The following DIDO1 variants were observed in gnomAD, a reference collection of about 807,000 sequenced individuals.
The protein encoded by DIDO1 is death-inducer obliterator 1.
DIDO1 carries 16 observed loss-of-function variants against 99.4 expected under a neutral mutation model. The ratio of observed to expected loss-of-function variants is 0.16; its 90% CI spans 0.11 to 0.24. The LOEUF is 0.24. Ranked by LOEUF, DIDO1 falls within the 10% of genes least tolerant of loss-of-function variation. The pLI, the probability that DIDO1 is intolerant of heterozygous loss-of-function variation, is 1.00. For missense variants in DIDO1, 2,996 were observed against 3,014.0 expected (o/e 0.99, Z 0.14); for synonymous variants, 1,366 against 1,239.1 (o/e 1.10, Z -2.15).
At chr20:62,887,993 G>A in intron 15 of DIDO1, 3 of 985,466 alleles carry the variant, frequency 3.0e-6, no homozygotes, top group South Asian at 4.7e-5. Context: ...TGTCCTCAGG[G>A]AGATCCAGCT....
chr20:62,937,487 G>T (rs2065403328), intron 1 of DIDO1, among the ~76,000 whole-genome samples: 1 of 152,250 alleles, frequency 6.6e-6, no homozygotes, highest in Non-Finnish European at 1.5e-5. Context: ...CCGCCCTTCG[G>T]CGTAGCCCAT....
chr20:62,890,089 G>T, intron 15 of DIDO1: 1 of 985,632 alleles, frequency 1.0e-6, no homozygotes, highest in Non-Finnish European at 1.2e-6. Context: ...AACACCCGCC[G>T]AGGCCTGGTG....
At chr20:62,885,554 C>T (rs774534951) in intron 15 of DIDO1, among the ~76,000 whole-genome samples, 19 of 152,188 alleles carry the variant, frequency 1.2e-4, no homozygotes, top group Non-Finnish European at 1.8e-4. Context: ...GCATCAAACA[C>T]GCAGCTGGCA....
chr20:62,895,358 T>A lies in DIDO1; in HGVS notation c.2215-193A>T, dbSNP rs1013571615. On this transcript the variant is annotated intron_variant, in intron 8 of 15. Coordinates refer to ENST00000395343, the MANE Select transcript of DIDO1 (RefSeq NM_001193369.2). The stretch of plus-strand genomic sequence containing the variant: ...AACTCCCCAAACGGCCTTATGAGAG[T>A]GCGCCCCAGGATATCCCTGCTGTGA... Among the ~76,000 whole-genome samples, 2 of 151,860 alleles carry A rather than the reference T, an allele frequency of 1.3e-5. 1 individual carries two copies.
At position 62,879,545 on chromosome 20, in the gene DIDO1, T is replaced by A; in HGVS notation, c.6411A>T (p.Arg2137=). Residue 2137 remains arginine, a synonymous_variant, in exon 16 of 16, where the codon CGA becomes CGT. Coordinates refer to ENST00000395343, the MANE Select transcript of DIDO1 (RefSeq NM_001193369.2). This position sits in a 1 kb window ranked among gnomAD's most constrained non-coding sequence, Gnocchi z 6.3. ...RDWDRPREWD[R]HRDKDSSRDW... ...CCCGGCTGGAGTCCTTGTCCCGGTG[T>A]CGGTCCCACTCCCGGGGCCGGTCCC... 3 of 1,599,718 alleles carry A rather than the reference T, an allele frequency of 1.9e-6. No individual in the cohort carries two copies. Among genetic ancestry groups the A allele is most frequent in the Non-Finnish European group, 2.5e-6 (3 of 1,179,120 alleles).
intron 4 of DIDO1, among the ~76,000 whole-genome samples, chr20:62,908,232 T>C (rs972799991): frequency 2.0e-5 from 3 of 152,166 alleles, no homozygotes; most frequent in East Asian, 1.9e-4. Context: ...CCTCCCATCT[T>C]GACTTCTCAA....
Position 62,879,380 on chromosome 20 carries a change from G to A in DIDO1, c.6576C>T (p.Ser2192=). 1.3e-6 allele frequency: 2 copies of A among 1,545,876 alleles called. No individual in the cohort carries two copies. Among genetic ancestry groups the A allele is most frequent in the East Asian group, 4.9e-5 (2 of 40,932 alleles). The part of the protein sequence containing the change: ...ERDRRRDRDR[S]RSRERDRDKA... ...TGTCTCGGTCCCGCTCTCTGCTCCG[G>A]GACCGGTCCCGGTCGCGCCTCCGGT... The change falls in exon 16 of 16, where the codon TCC becomes TCT. Residue 2192 remains serine, a synonymous_variant. Coordinates refer to ENST00000395343, the MANE Select transcript of DIDO1 (RefSeq NM_001193369.2). This position sits in a 1 kb window ranked among gnomAD's most constrained non-coding sequence, Gnocchi z 6.3.
intron 1 of DIDO1, among the ~76,000 whole-genome samples, chr20:62,922,103 TATATATAC>T (rs1568885566): frequency 1.5e-5 from 1 of 65,170 alleles, no homozygotes. Flanking sequence ...ATACACACTA[TATATATAC>T]ACACACACAC....
intron 6 of DIDO1, among the ~76,000 whole-genome samples, chr20:62,902,504 C>T (rs2064705575): frequency 6.6e-6 from 1 of 152,132 alleles, no homozygotes; most frequent in African/African-American, 2.4e-5. Context: ...GTGAAACAAG[C>T]CACCCTCCTC....
chr20:62,922,137 T>TAC (rs1456239833), intron 1 of DIDO1, among the ~76,000 whole-genome samples: 15 of 146,928 alleles, frequency 1.0e-4, no homozygotes, highest in African/African-American at 2.8e-4. Flanking sequence ...TATATACATA[T>TAC]ATACACACAC....
chr20:62,890,402 A>T, intron 15 of DIDO1: 1 of 989,078 alleles, frequency 1.0e-6, no homozygotes, highest in East Asian at 1.1e-4. Context: ...GTTTAAATAC[A>T]GTACTTTCCA....
upstream of DIDO1, among the ~76,000 whole-genome samples, chr20:62,929,555 A>C (rs1023007538): frequency 5.5e-4 from 84 of 151,746 alleles, no homozygotes; most frequent in African/African-American, 1.8e-3. Context: ...CAGGCCCCCC[A>C]CGCTGTGCTC....
chr20:62,917,902 C>T (rs1448089776), intron 1 of DIDO1, among the ~76,000 whole-genome samples: 3 of 152,314 alleles, frequency 2.0e-5, no homozygotes, highest in African/African-American at 7.2e-5. Flanking sequence ...TACCTCTTAG[C>T]CCCAGAAAGG....
At chr20:62,937,744 C>T (rs1306584063) in intron 1 of DIDO1, 2 of 397,582 alleles carry the variant, frequency 5.0e-6, no homozygotes, top group Non-Finnish European at 8.9e-6. Context: ...GGCGCCTTTC[C>T]CCCGCCCCAC....
intron 15 of DIDO1, chr20:62,888,120 TG>T (rs1287530016): frequency 1.0e-6 from 1 of 985,398 alleles, no homozygotes; most frequent in African/African-American, 1.7e-5. Flanking sequence ...AGGGCACAGC[TG>T]GGCACCTTCA....
At chr20:62,903,035 C>A (rs1333835552) in intron 6 of DIDO1, among the ~76,000 whole-genome samples, 2 of 151,784 alleles carry the variant, frequency 1.3e-5, no homozygotes, top group Non-Finnish European at 2.9e-5. Flanking sequence ...GGGAGGTGAA[C>A]AGTGGAAATA....
chr20:62,925,238 G>C (rs139179467), intron 1 of DIDO1, among the ~76,000 whole-genome samples: 355 of 152,318 alleles, frequency 2.3e-3, no homozygotes, highest in African/African-American at 8.1e-3. Flanking sequence ...TCCAGGACTG[G>C]GACAGGGGCC....
intron 6 of DIDO1, among the ~76,000 whole-genome samples, chr20:62,899,747 C>T (rs905061377): frequency 2.6e-5 from 4 of 152,168 alleles, no homozygotes; most frequent in East Asian, 1.9e-4. Context: ...GGTGAGTGAA[C>T]GGCAGAATGT....
At chr20:62,933,048 A>C (rs756092809) in intron 1 of DIDO1, among the ~76,000 whole-genome samples, 1 of 152,228 alleles carries the variant, frequency 6.6e-6, no homozygotes, top group Non-Finnish European at 1.5e-5. Flanking sequence ...CCCCATCTCT[A>C]CTAACAATAC....
Sources: allele counts gnomAD v4.1 joint callset (sites outside exome capture counted in the v4.1 genomes callset), GRCh38; gene constraint gnomAD v4.1.1; non-coding constraint Gnocchi (gnomAD v3.1); transcripts MANE v1.5; gene names NCBI Gene and HGNC (gene_info 2026-07-23, HGNC 2026-07-21).